The following DDAH1 variants were observed in gnomAD, a reference collection of about 807,000 sequenced individuals.
DDAH1 encodes N(G),N(G)-dimethylarginine dimethylaminohydrolase 1.
A neutral mutation model predicts 28.8 loss-of-function variants in DDAH1; 19 were observed. The ratio of observed to expected loss-of-function variants is 0.66; its 90% CI spans 0.46 to 0.97. DDAH1 has a LOEUF of 0.97. Ranked by LOEUF, DDAH1 falls within the 50% of genes least tolerant of loss-of-function variation. The pLI, the probability that DDAH1 is intolerant of heterozygous loss-of-function variation, is 0.00. For missense variants in DDAH1, 326 were observed against 375.9 expected (o/e 0.87, Z 1.10); for synonymous variants, 153 against 154.4 (o/e 0.99, Z 0.07).
intron 1 of DDAH1, among the ~76,000 whole-genome samples, chr1:85,540,982 A>T (rs1048998197): frequency 3.3e-5 from 5 of 151,344 alleles, no homozygotes; most frequent in African/African-American, 9.7e-5. Context: ...AAAAAAAAAA[A>T]ATGTATATCT....
At chr1:85,535,282 G>A (rs1196955789) in intron 1 of DDAH1, among the ~76,000 whole-genome samples, 3 of 150,320 alleles carry the variant, frequency 2.0e-5, no homozygotes, top group South Asian at 2.1e-4. Flanking sequence ...AAAATCTATC[G>A]TATTTTTAAA....
intron 1 of DDAH1, among the ~76,000 whole-genome samples, chr1:85,547,670 T>A (rs1048860348): frequency 8.5e-5 from 13 of 152,236 alleles, no homozygotes; most frequent in Non-Finnish European, 1.8e-4. Flanking sequence ...TAAAGATGTC[T>A]ACTCAAATAC....
At chr1:85,519,470 A>G (rs2773128) in intron 1 of DDAH1, among the ~76,000 whole-genome samples, 3 of 152,338 alleles carry the variant, frequency 2.0e-5, no homozygotes, top group Non-Finnish European at 2.9e-5. Context: ...TGATGCGTAA[A>G]TTTTATTTTC....
At chr1:85,502,722 C>T (rs998381145) in intron 1 of DDAH1, among the ~76,000 whole-genome samples, 12 of 152,182 alleles carry the variant, frequency 7.9e-5, no homozygotes, top group Non-Finnish European at 1.6e-4. Context: ...CAGGGCTGCT[C>T]CAGGCCAGGC....
chr1:85,362,777 T>C (rs1458219818), intron 1 of DDAH1, among the ~76,000 whole-genome samples: 1 of 152,216 alleles, frequency 6.6e-6, no homozygotes, highest in African/African-American at 2.4e-5. Context: ...AAACTAGTAG[T>C]TGATGATATT....
At chr1:85,456,178 G>A (rs1279139934) in intron 1 of DDAH1, among the ~76,000 whole-genome samples, 1 of 152,074 alleles carries the variant, frequency 6.6e-6, no homozygotes, top group African/African-American at 2.4e-5. Context: ...AGGACAGTGG[G>A]TATCCCCACC....
intron 1 of DDAH1, among the ~76,000 whole-genome samples, chr1:85,519,415 C>T (rs1657595922): frequency 6.6e-6 from 1 of 152,120 alleles, no homozygotes; most frequent in Admixed American, 6.5e-5. Context: ...TGAATATCAA[C>T]AGATTAAGAC....
intron 2 of DDAH1, chr1:85,493,393 ATAAT>A (rs1216456890): frequency 2.0e-5 from 3 of 152,160 alleles, no homozygotes; most frequent in African/African-American, 4.8e-5. Flanking sequence ...TCAAAAGCAA[ATAAT>A]TAATAAAATC....
intron 1 of DDAH1, among the ~76,000 whole-genome samples, chr1:85,551,386 C>T (rs779722874): frequency 2.6e-5 from 4 of 152,318 alleles, no homozygotes; most frequent in Admixed American, 1.3e-4. Context: ...CAGATTACTT[C>T]GGTAACTGTA....
Position 85,321,338 on chromosome 1 carries a change from A to G in DDAH1, c.*114T>C. 1 of 703,344 alleles carries G rather than the reference A, an allele frequency of 1.4e-6. No individual in the cohort carries two copies. The highest frequency in any genetic ancestry group is 2.5e-6 in the Non-Finnish European group (1 of 399,540). 43.6% of individuals were successfully genotyped at this position (703,344 alleles called of 1,614,324 possible). On this transcript the variant is annotated 3_prime_UTR_variant, in exon 6 of 6. Transcript: ENST00000284031. The stretch of plus-strand genomic sequence containing the variant: ...CAACTTAGAATCAAATTTTGTAAAC[A>G]AGAGTTAGTAGCACAGTGGCACAGT...
chr1:85,531,282 T>C (rs1658083315), intron 1 of DDAH1, among the ~76,000 whole-genome samples: 1 of 151,932 alleles, frequency 6.6e-6, no homozygotes, highest in South Asian at 2.1e-4. Flanking sequence ...ATCTGAGACA[T>C]AGAGGCCCTT....
intron 2 of DDAH1, among the ~76,000 whole-genome samples, chr1:85,472,044 G>A (rs1029594105): frequency 6.6e-5 from 10 of 152,270 alleles, no homozygotes; most frequent in South Asian, 2.1e-4. Flanking sequence ...TCCCCAGGGC[G>A]GGTCATAGAA....
At chr1:85,406,547 T>C (rs1167383257) in intron 1 of DDAH1, among the ~76,000 whole-genome samples, 3 of 152,120 alleles carry the variant, frequency 2.0e-5, no homozygotes, top group Non-Finnish European at 4.4e-5. Flanking sequence ...AGGATACATA[T>C]AGAATATACA....
At chr1:85,498,787 T>A (rs754987137) in intron 1 of DDAH1, among the ~76,000 whole-genome samples, 5 of 152,096 alleles carry the variant, frequency 3.3e-5, no homozygotes, top group South Asian at 4.1e-4. Context: ...CCGGAGGTAG[T>A]GGCGTATGCC....
chr1:85,407,952 A>T (rs1393671944), intron 1 of DDAH1, among the ~76,000 whole-genome samples: 1 of 152,158 alleles, frequency 6.6e-6, no homozygotes, highest in Non-Finnish European at 1.5e-5. Flanking sequence ...CCTGCTTTAG[A>T]ACTGGAAGAC....
chr1:85,379,285 T>C (rs1650852958), intron 1 of DDAH1, among the ~76,000 whole-genome samples: 2 of 152,180 alleles, frequency 1.3e-5, no homozygotes, highest in African/African-American at 4.8e-5. Context: ...CAGGGAGCAG[T>C]GCTCTTTCCA....
rs1481532505 is a variant in DDAH1, at chr1:85,560,898, TGGAAA to T, written c.-123+17081_-123+17085del. 5.3e-5 allele frequency among the ~76,000 whole-genome samples: 8 copies of T among 152,110 alleles called. No individual in the cohort carries two copies. The South Asian group carries it at 8.3e-4, about 16-fold the overall frequency. On this transcript the variant is annotated intron_variant, in intron 1 of 6. Transcript: ENST00000426972. ...TTCCTATTGATTCTACATTTTTTGATGGAAAGTAAACAAATTAATGAGCATCTTTA... is the reference window on the plus strand; with the variant it reads ...TTCCTATTGATTCTACATTTTTTGATGTAAACAAATTAATGAGCATCTTTA...
chr1:85,374,533 GT>G (rs1204892310), intron 1 of DDAH1, among the ~76,000 whole-genome samples: 1 of 151,996 alleles, frequency 6.6e-6, no homozygotes, highest in Non-Finnish European at 1.5e-5. Context: ...AGTGAAAAAG[GT>G]AACATATCCC....
At chr1:85,500,937 T>A (rs1557697210) in intron 1 of DDAH1, among the ~76,000 whole-genome samples, 1 of 152,164 alleles carries the variant, frequency 6.6e-6, no homozygotes, top group Non-Finnish European at 1.5e-5. Flanking sequence ...TTTTATACTT[T>A]CCATTTTTCT....
Sources: gnomAD v4.1 joint callset for allele counts (sites outside exome capture counted in the v4.1 genomes callset) on GRCh38, gnomAD v4.1.1 for gene constraint, MANE v1.5 for transcripts, NCBI Gene and HGNC (gene_info 2026-07-23, HGNC 2026-07-21) for gene names.